Variants in ZNF263 observed in about 807,000 individuals in gnomAD.
ZNF263 encodes the protein zinc finger protein 263, also known as zinc finger protein FPM315.
ZNF263 carries 49 observed loss-of-function variants against 63.1 expected under a neutral mutation model. The ratio of observed to expected loss-of-function variants is 0.78; its 90% CI spans 0.62 to 0.99. The LOEUF is 0.99. ZNF263 is among the 50% of genes least tolerant of loss of function. The probability of loss-of-function intolerance (pLI) is 0.00; values close to 1 mark genes in which losing one functional copy is unlikely to be tolerated. For missense variants in ZNF263, 872 were observed against 854.8 expected, an observed-to-expected ratio of 1.02 and a Z score of -0.25; for synonymous variants, 352 against 324.2, an observed-to-expected ratio of 1.09 and a Z score of -0.92.
downstream of ZNF263, among the ~76,000 whole-genome samples, chr16:3,292,374 A>G (rs1170657886): frequency 6.6e-6 from 1 of 152,038 alleles, no homozygotes; most frequent in Non-Finnish European, 1.5e-5. Context: ...CATTTCTGTA[A>G]CTTCCTCTTA....
chr16:3,289,764 C>A lies in ZNF263; in HGVS notation c.1258C>A (p.Arg420Ser), dbSNP rs371017559. 1.9e-6 allele frequency: 3 copies of A among 1,614,098 alleles called. No individual in the cohort carries two copies. Among genetic ancestry groups the A allele is most frequent in the African/African-American group, 1.3e-5 (1 of 74,930 alleles). The part of the protein sequence containing the change: ...DCTEIFGGNP[R>S]FLSLHRAHLG... ...CACTGAAATCTTTGGTGGGAACCCA[C>A]GTTTCCTGTCACTACACAGAGCACA... is the stretch of plus-strand genomic sequence containing the variant. Residue 420 changes from arginine to serine, a missense_variant, in exon 6 of 6, where the codon CGT (arginine) becomes AGT (serine). Transcript: ENST00000219069.
intron 2 of ZNF263, 51 bp downstream of exon 2, chr16:3,285,290 G>GC (rs1300626835): frequency 6.5e-7 from 1 of 1,543,790 alleles, no homozygotes; most frequent in Non-Finnish European, 8.8e-7. Context: ...CTTGGGGGTT[G>GC]CCCCCGACAC....
At chr16:3,291,549 CAT>C (rs1342687311), downstream of ZNF263, 2 of 956,376 alleles carry the variant, frequency 2.1e-6, no homozygotes, top group Admixed American at 6.2e-5. Flanking sequence ...CCTGCTTTCT[CAT>C]AGACTTACTG....
Position 3,291,237 on chromosome 16 carries a change from G to A in ZNF263, c.*679G>A. On this transcript the variant is annotated 3_prime_UTR_variant, in exon 6 of 6. Coordinates refer to ENST00000219069, the MANE Select transcript of ZNF263 (RefSeq NM_005741.5). ...GTCAGCCCAGGAATTGGCAGAGGAAGTAGGTGTCTGATAACCCTTTGTGGA... is the reference window on the plus strand; with the variant it reads ...GTCAGCCCAGGAATTGGCAGAGGAAATAGGTGTCTGATAACCCTTTGTGGA... 1 of 985,568 alleles carries A rather than the reference G, an allele frequency of 1.0e-6. No homozygotes were observed. The highest frequency in any genetic ancestry group is 1.7e-5 in the African/African-American group (1 of 57,370). 61.1% of individuals were successfully genotyped at this position (985,568 alleles called of 1,614,324 possible). A position where few individuals can be genotyped will look rare whatever the true frequency, so the allele number is the denominator to read the frequency against.
In ZNF263 at chr16:3,290,012, T is replaced by A; in HGVS notation, c.1506T>A (p.Ser502Arg). ...CPECGEIFAHSSNLLRHQRIH... is the reference protein window; with the variant it reads ...CPECGEIFAHRSNLLRHQRIH... The stretch of plus-strand genomic sequence containing the variant: ...AGTGTGGGGAGATCTTTGCTCACAG[T>A]TCCAACCTCCTTCGGCACCAGAGAA... Residue 502 changes from serine (S) to arginine (R), a missense_variant, in exon 6 of 6, where the codon AGT becomes AGA. Ser to Arg is a moderately radical substitution (Grantham distance 110). Coordinates refer to ENST00000219069, the MANE Select transcript of ZNF263 (RefSeq NM_005741.5). 4 of 1,613,508 alleles carry A rather than the reference T, an allele frequency of 2.5e-6. No homozygotes were observed. The highest frequency in any genetic ancestry group is 3.4e-6 in the Non-Finnish European group (4 of 1,179,840).
chr16:3,286,422 C>T (rs935553481), intron 4 of ZNF263: 12 of 287,052 alleles, frequency 4.2e-5, no homozygotes, highest in South Asian at 2.2e-4. Context: ...AATGCGGTGA[C>T]AACCTGCCAG....
At chr16:3,287,405 C>CTTTTTTTTT (rs34751211) in intron 4 of ZNF263, among the ~76,000 whole-genome samples, 8 of 97,862 alleles carry the variant, frequency 8.2e-5, no homozygotes, top group African/African-American at 1.6e-4. Flanking sequence ...CACACCCGGC[C>CTTTTTTTTT]TTTTTTTTTT....
rs776059444 is a variant in ZNF263 at position 3,284,185 on chromosome 16, C to G, written c.367C>G (p.Leu123Val). The G allele has an allele frequency of 6.5e-7, 1 of 1,546,312 alleles. No individual in the cohort carries two copies. Among genetic ancestry groups the G allele is most frequent in the Admixed American group, 2.0e-5 (1 of 50,584 alleles). ...CCTTGTGGAGGATATGCAGAGAGAG[C>G]TTGGGAGACTGAGACAACAGGTGAG... ...VTLVEDMQRE[L>V]GRLRQQVTNH... Residue 123 changes from leucine to valine, a missense_variant, in exon 1 of 6, where the codon CTT becomes GTT. Coordinates refer to ENST00000219069, the MANE Select transcript of ZNF263 (RefSeq NM_005741.5).
chr16:3,299,742 T>G (rs1959878869), intron 2 of ZNF263: 1 of 1,541,090 alleles, frequency 6.5e-7, no homozygotes, highest in Non-Finnish European at 8.7e-7. Flanking sequence ...GAAGTAACAA[T>G]GCCCTGACGT....
chr16:3,289,758 A>T lies in ZNF263; in HGVS notation c.1252A>T (p.Asn418Tyr), dbSNP rs1959531010. Residue 418 changes from asparagine to tyrosine, a missense_variant, in exon 6 of 6, where the codon AAC becomes TAC. Asn to Tyr is a moderately radical substitution (Grantham distance 143, BLOSUM62 -2). Transcript: ENST00000219069. ...GGACTGCACTGAAATCTTTGGTGGG[A>T]ACCCACGTTTCCTGTCACTACACAG... ...GVDCTEIFGG[N>Y]PRFLSLHRAH... 1.2e-6 allele frequency: 2 copies of T among 1,614,228 alleles called. No homozygotes were observed. Among genetic ancestry groups the T allele is most frequent in the East Asian group, 2.2e-5 (1 of 44,892 alleles).
chr16:3,289,930 C>G lies in ZNF263; in HGVS notation c.1424C>G (p.Ser475Cys), dbSNP rs1488799040. Residue 475 changes from serine to cysteine, a missense_variant, in exon 6 of 6, where the codon TCC becomes TGC. By Grantham distance (112) the Ser-to-Cys change is moderately radical. Coordinates refer to ENST00000219069, the MANE Select transcript of ZNF263 (RefSeq NM_005741.5). The stretch of plus-strand genomic sequence containing the variant: ...TGCGGAAAATGTTTCTCCTGCAACT[C>G]CAACCTCCACAGGCACCAGAGAACG... ...NICGKCFSCN[S>C]NLHRHQRTHT... 6.2e-7 allele frequency: 1 copy of G among 1,614,180 alleles called. No homozygotes were observed. The highest frequency in any genetic ancestry group is 1.1e-5 in the South Asian group (1 of 91,090).
chr16:3,294,285 G>A (rs1046153166), downstream of ZNF263, among the ~76,000 whole-genome samples: 6 of 152,188 alleles, frequency 3.9e-5, no homozygotes, highest in Non-Finnish European at 5.9e-5. Context: ...ACTTTGGAAT[G>A]TGCAAAATCA....
At chr16:3,295,677 T>C (rs1224123210), downstream of ZNF263, among the ~76,000 whole-genome samples, 2 of 152,240 alleles carry the variant, frequency 1.3e-5, no homozygotes, top group Non-Finnish European at 2.9e-5. Flanking sequence ...CTCCCCTTTT[T>C]GTTTTAGTTC....
chr16:3,294,885 G>A (rs563793812), downstream of ZNF263, among the ~76,000 whole-genome samples: 2 of 152,318 alleles, frequency 1.3e-5, no homozygotes, highest in South Asian at 4.2e-4. Flanking sequence ...AAACATTAAG[G>A]AGTATCGTTC....
At chr16:3,300,433 A>G (rs1959906397) in intron 2 of ZNF263, 1 of 1,614,110 alleles carries the variant, frequency 6.2e-7, no homozygotes, top group Non-Finnish European at 8.5e-7. Context: ...TACTAATGGC[A>G]TGTCCTGCTT....
Position 3,291,209 on chromosome 16 carries a change from C to T in ZNF263, c.*651C>T, listed in dbSNP as rs2150774949. ...AAGGGCAATAATAAGGTGGAATTTG[C>T]AGGTCAGCCCAGGAATTGGCAGAGG... On this transcript the variant is annotated 3_prime_UTR_variant, in exon 6 of 6. Coordinates refer to ENST00000219069, the MANE Select transcript of ZNF263 (RefSeq NM_005741.5). The T allele has an allele frequency of 1.0e-6, 1 of 985,614 alleles. No individual in the cohort carries two copies. Among genetic ancestry groups the T allele is most frequent in the Non-Finnish European group, 1.2e-6 (1 of 830,118 alleles). The allele number at this position is 985,614 out of a possible 1,614,324, so 61.1% of individuals were successfully genotyped here. A position where few individuals can be genotyped will look rare whatever the true frequency, so the allele number is the denominator to read the frequency against.
chr16:3,300,295 G>C, intron 2 of ZNF263: 1 of 1,614,202 alleles, frequency 6.2e-7, no homozygotes, highest in Non-Finnish European at 8.5e-7. Flanking sequence ...AAATCTCTCT[G>C]CAGCAGCCTG....
At chr16:3,299,161 T>C in intron 2 of ZNF263, 1 of 1,553,972 alleles carries the variant, frequency 6.4e-7, no homozygotes. Context: ...AAGAAGGTAG[T>C]CCAAACTCTC....
intron 2 of ZNF263, 111 bp from the exon 3 acceptor site, chr16:3,285,570 C>T (rs949489071): frequency 2.7e-6 from 3 of 1,125,870 alleles, no homozygotes; most frequent in Non-Finnish European, 2.7e-6. Flanking sequence ...AGTTTAGCGT[C>T]ATTCCCAAAA....
Sources: gnomAD v4.1 joint callset for allele counts (sites outside exome capture counted in the v4.1 genomes callset) on GRCh38, gnomAD v4.1.1 for gene constraint, MANE v1.5 for transcripts, NCBI Gene and HGNC (gene_info 2026-07-23, HGNC 2026-07-21) for gene names.